The following ZNHIT6 variants were observed in gnomAD, a reference collection of about 807,000 sequenced individuals.
ZNHIT6 encodes the protein zinc finger HIT-type containing 6, also known as box C/D snoRNA protein 1.
In ZNHIT6, 45 loss-of-function variants were observed where a neutral mutation model predicts 57.2. The observed-to-expected ratio is 0.79, with a 90% CI of 0.62 to 1.01. The LOEUF (loss-of-function observed/expected upper bound fraction) is 1.01, where lower values mean the gene tolerates loss of function less well. Among genes scored for constraint, ZNHIT6 ranks in the 50% least tolerant of loss-of-function variants. The pLI, the probability that ZNHIT6 is intolerant of heterozygous loss-of-function variation, is 0.00. For synonymous variants in ZNHIT6, 188 were observed against 190.0 expected (o/e 0.99, Z 0.09); for missense variants, 528 against 567.3 (o/e 0.93, Z 0.70).
intron 5 of ZNHIT6, among the ~76,000 whole-genome samples, chr1:85,695,257 G>A (rs1357821731): frequency 6.6e-6 from 1 of 151,792 alleles, no homozygotes; most frequent in African/African-American, 2.4e-5. Context: ...GACAGATGGA[G>A]ACCCTGTCTC....
At chr1:85,665,037 G>A (rs1190814164) in intron 8 of ZNHIT6, among the ~76,000 whole-genome samples, 2 of 151,818 alleles carry the variant, frequency 1.3e-5, no homozygotes, top group Non-Finnish European at 2.9e-5. Context: ...CACTATGTTG[G>A]CCAGGCTGGT....
chr1:85,668,556 C>A (rs1221232178), intron 8 of ZNHIT6, among the ~76,000 whole-genome samples: 1 of 152,160 alleles, frequency 6.6e-6, no homozygotes, highest in Non-Finnish European at 1.5e-5. Context: ...TCTGGAATTT[C>A]TTCAGTGTTC....
chr1:85,686,857 T>C (rs1662055363), intron 5 of ZNHIT6, among the ~76,000 whole-genome samples: 1 of 152,202 alleles, frequency 6.6e-6, no homozygotes, highest in African/African-American at 2.4e-5. Context: ...CCCATTTTAA[T>C]AATTTATTTC....
chr1:85,678,437 G>A (rs1292407622), intron 7 of ZNHIT6, among the ~76,000 whole-genome samples: 1 of 151,978 alleles, frequency 6.6e-6, no homozygotes, highest in Admixed American at 6.6e-5. Flanking sequence ...CTGTAAAATG[G>A]GTATAATAAT....
Position 85,687,698 on chromosome 1 carries a change from C to CA in ZNHIT6, c.1020-6795dup, listed in dbSNP as rs1479200892. Among the ~76,000 whole-genome samples, 4 of 152,202 alleles carry CA rather than the reference C, an allele frequency of 2.6e-5. No homozygotes were observed. The East Asian group carries it at 7.7e-4, about 29-fold the overall frequency. On this transcript the variant is annotated intron_variant, in intron 5 of 9. Transcript: ENST00000370574. Reference sequence around the variant, plus strand: ...CAACTACTTTTGAGAATCACATTGACATATCATGTCAATTCAAATATGCTT... The same window carrying CA: ...CAACTACTTTTGAGAATCACATTGACAATATCATGTCAATTCAAATATGCTT...
intron 4 of ZNHIT6, among the ~76,000 whole-genome samples, chr1:85,705,773 T>A (rs1452951982): frequency 6.6e-6 from 1 of 152,198 alleles, no homozygotes; most frequent in East Asian, 1.9e-4. Flanking sequence ...AATAGTACCC[T>A]GACAATCTCT....
intron 8 of ZNHIT6, among the ~76,000 whole-genome samples, chr1:85,668,318 G>A (rs1452831596): frequency 6.6e-6 from 1 of 151,966 alleles, no homozygotes; most frequent in African/African-American, 2.4e-5. Flanking sequence ...GTTCACTATT[G>A]ATTCTTAGAT....
At position 85,672,729 on chromosome 1, in the gene ZNHIT6, T is replaced by C. The variant is rs531406032; in HGVS notation, c.1247+4507A>G. On this transcript the variant is annotated intron_variant, in intron 8 of 9. Coordinates refer to ENST00000370574, the MANE Select transcript of ZNHIT6 (RefSeq NM_017953.4). ...AATTTTTATTTATATGCCTAGAAGA[T>C]TAAATGTACTTAATGGTTTTTTTTG... Among the ~76,000 whole-genome samples, 9 of 151,880 alleles carry C rather than the reference T, an allele frequency of 5.9e-5. 1 individual carries two copies. In the South Asian group the frequency reaches 1.7e-3, roughly 28 times the overall value.
intron 8 of ZNHIT6, among the ~76,000 whole-genome samples, chr1:85,662,154 T>TAAA (rs138664278): frequency 2.0e-5 from 2 of 102,198 alleles, no homozygotes; most frequent in African/African-American, 3.4e-5. Context: ...TTAGTGTGCT[T>TAAA]TAAAAAAAAA....
At chr1:85,664,101 C>T (rs977575583) in intron 8 of ZNHIT6, among the ~76,000 whole-genome samples, 2 of 152,150 alleles carry the variant, frequency 1.3e-5, no homozygotes, top group African/African-American at 2.4e-5. Flanking sequence ...ACCTATCTAG[C>T]AAGGATGGGG....
rs145773897 is a variant in ZNHIT6, at chr1:85,692,412, C to T, written c.1019+9745G>A. ...CTGCATGGCTGCAGTAAGTAGAGGC[C>T]CAATTGGGGAACCATTAGGATTCTA... On this transcript the variant is annotated intron_variant, in intron 5 of 9. Transcript: ENST00000370574. Among the ~76,000 whole-genome samples the T allele has an allele frequency of 4.1e-3, 626 of 152,256 alleles. 7 individuals are homozygous for T. Among genetic ancestry groups the T allele is most frequent in the African/African-American group, 0.014 (602 of 41,548 alleles).
At chr1:85,704,579 T>G (rs1385704109) in intron 4 of ZNHIT6, among the ~76,000 whole-genome samples, 1 of 152,148 alleles carries the variant, frequency 6.6e-6, no homozygotes, top group East Asian at 1.9e-4. Context: ...CATTTTGTGA[T>G]GTTTAGAAAA....
intron 5 of ZNHIT6, among the ~76,000 whole-genome samples, chr1:85,690,518 C>A (rs1349866882): frequency 6.6e-6 from 1 of 152,172 alleles, no homozygotes; most frequent in Non-Finnish European, 1.5e-5. Flanking sequence ...AGTAACACTT[C>A]CCTCGAAAGG....
chr1:85,690,086 TAA>T (rs1662175201), intron 5 of ZNHIT6, among the ~76,000 whole-genome samples: 2 of 152,094 alleles, frequency 1.3e-5, no homozygotes, highest in African/African-American at 4.8e-5. Flanking sequence ...ATATATGGAA[TAA>T]AAAGACATTC....
chr1:85,696,743 A>G (rs1314457301), intron 5 of ZNHIT6, among the ~76,000 whole-genome samples: 6 of 152,230 alleles, frequency 3.9e-5, no homozygotes, highest in Middle Eastern at 3.4e-3. Context: ...TCAACAATGG[A>G]AGAGGAAAAT....
rs1661857677 is a variant in ZNHIT6 at position 85,680,910 on chromosome 1, A to C, written c.1020-6T>G. The C allele has an allele frequency of 6.2e-7, 1 of 1,608,344 alleles. No individual in the cohort carries two copies. Among genetic ancestry groups the C allele is most frequent in the Non-Finnish European group, 8.5e-7 (1 of 1,176,444 alleles). ...GCCAACAAAACTGTTGTTTTCTAAG[A>C]GAGAAAATAATCATGTGAGAATCAA... On this transcript the variant is annotated splice_region_variant and splice_polypyrimidine_tract_variant and intron_variant, in intron 5 of 9. Coordinates refer to ENST00000370574, the MANE Select transcript of ZNHIT6 (RefSeq NM_017953.4).
chr1:85,697,979 T>C (rs992035519), intron 5 of ZNHIT6, among the ~76,000 whole-genome samples: 2 of 152,154 alleles, frequency 1.3e-5, no homozygotes, highest in African/African-American at 4.8e-5. Context: ...GTAAAGGAAT[T>C]ACCTCTGAAA....
chr1:85,705,215 C>A (rs1220426612), intron 4 of ZNHIT6, among the ~76,000 whole-genome samples: 2 of 152,070 alleles, frequency 1.3e-5, no homozygotes, highest in Non-Finnish European at 2.9e-5. Flanking sequence ...TCACCAGTTT[C>A]TTTTCTTTTT....
chr1:85,705,451 A>C (rs1415811625), intron 4 of ZNHIT6, among the ~76,000 whole-genome samples: 1 of 152,144 alleles, frequency 6.6e-6, no homozygotes, highest in Non-Finnish European at 1.5e-5. Flanking sequence ...CCTGAGCTCA[A>C]GGAATGCTCT....
Sources: allele counts gnomAD v4.1 joint callset (sites outside exome capture counted in the v4.1 genomes callset), GRCh38; gene constraint gnomAD v4.1.1; transcripts MANE v1.5; gene names NCBI Gene and HGNC (gene_info 2026-07-23, HGNC 2026-07-21).